The following HIP1R variants were observed in gnomAD, a reference collection of about 807,000 sequenced individuals.
The protein encoded by HIP1R is huntingtin interacting protein 1 related, also known as huntingtin-interacting protein 1-related protein.
In HIP1R, 135 loss-of-function variants were observed where a neutral mutation model predicts 144.2. That is an observed-to-expected ratio of 0.94 (90% confidence interval 0.81 to 1.08). The LOEUF (loss-of-function observed/expected upper bound fraction) is 1.08. Among genes scored for constraint, HIP1R ranks in the 50% least tolerant of loss-of-function variants. HIP1R has a pLI of 0.00. For synonymous variants in HIP1R, 698 were observed against 612.8 expected, an observed-to-expected ratio of 1.14 and a Z score of -2.05; for missense variants, 1,462 against 1,432.8, an observed-to-expected ratio of 1.02 and a Z score of -0.33.
At chr12:122,860,861 C>T in intron 28 of HIP1R, 55 bp from the exon 29 acceptor site, 4 of 1,597,128 alleles carry the variant, frequency 2.5e-6, no homozygotes, top group Non-Finnish European at 3.4e-6. Context: ...AAGCCCAGGC[C>T]TGCTGCTGCC....
At chr12:122,835,102 C>A, upstream of HIP1R, 1 of 953,176 alleles carries the variant, frequency 1.0e-6, no homozygotes, top group Non-Finnish European at 1.4e-6. Context: ...CTTCCCCTAC[C>A]CTCCCCTCCG....
At chr12:122,850,227 T>G in intron 5 of HIP1R, 4 of 605,240 alleles carry the variant, frequency 6.6e-6, no homozygotes, top group South Asian at 6.1e-5. Flanking sequence ...GTCTCTGCTG[T>G]GCTGGCCGGG....
intron 1 of HIP1R, among the ~76,000 whole-genome samples, chr12:122,842,342 A>T (rs2033080430): frequency 1.3e-5 from 2 of 152,226 alleles, no homozygotes; most frequent in South Asian, 4.1e-4. Context: ...AAATTGTTTT[A>T]TAATTACTTT....
intron 31 of HIP1R, 41 bp from the exon 32 acceptor site, chr12:122,861,665 C>T (rs1195618695): frequency 6.2e-7 from 1 of 1,611,380 alleles, no homozygotes; most frequent in Non-Finnish European, 8.5e-7. Flanking sequence ...GCCCCAGGTG[C>T]CTGGCTGTGA....
intron 1 of HIP1R, among the ~76,000 whole-genome samples, chr12:122,843,512 C>T (rs1368516825): frequency 2.6e-5 from 4 of 152,216 alleles, no homozygotes; most frequent in African/African-American, 9.7e-5. Context: ...TGTTCTTACA[C>T]ACTTGGCGAT....
intron 3 of HIP1R, 87 bp from the exon 4 acceptor site, chr12:122,848,706 TTCC>T (rs2033286287): frequency 1.3e-6 from 2 of 1,597,032 alleles, no homozygotes; most frequent in Non-Finnish European, 1.7e-6. Context: ...CTCCGGGCTG[TTCC>T]TCCCGCCTCG....
In HIP1R at chr12:122,861,164, A is replaced by G; in HGVS notation, c.2924A>G (p.Lys975Arg). Reference protein sequence around the residue: ...TMDFSGLSLIKLKKQEMETQV... With the variant: ...TMDFSGLSLIRLKKQEMETQV... ...GATTTCTCCGGCCTGTCCCTCATCAAGCTGAAGAAGCAGGAGATGGAGACC... is the reference window on the plus strand; with the variant it reads ...GATTTCTCCGGCCTGTCCCTCATCAGGCTGAAGAAGCAGGAGATGGAGACC... Residue 975 changes from lysine to arginine, a missense_variant, in exon 30 of 32, where the codon AAG becomes AGG. Around this residue, in one of 2 missense-constraint regions of HIP1R, gnomAD observed 1,112 missense variants for 1,011.7 expected, o/e 1.10. Coordinates refer to ENST00000253083, the MANE Select transcript of HIP1R (RefSeq NM_003959.3). 5 of 1,612,070 alleles carry G rather than the reference A, an allele frequency of 3.1e-6. No homozygotes were observed. Among genetic ancestry groups the G allele is most frequent in the Non-Finnish European group, 4.2e-6 (5 of 1,179,734 alleles).
intron 18 of HIP1R, chr12:122,857,798 C>T (rs759578016): frequency 6.2e-5 from 21 of 338,740 alleles, no homozygotes; most frequent in African/African-American, 1.3e-4. Context: ...TGGTTTCTCA[C>T]GGTCTTGATT....
chr12:122,838,027 G>A (rs971913391), intron 1 of HIP1R, among the ~76,000 whole-genome samples: 1 of 132,916 alleles, frequency 7.5e-6, no homozygotes, highest in African/African-American at 3.0e-5. Flanking sequence ...TGCTGTGGCA[G>A]GAGCACTAGG....
At chr12:122,860,315 G>A (rs540379672) in intron 26 of HIP1R, 105 bp downstream of exon 26, 1 of 1,550,542 alleles carries the variant, frequency 6.4e-7, no homozygotes, top group African/African-American at 1.4e-5. Flanking sequence ...GGAGGCCTCA[G>A]GGATGCGCCC....
In HIP1R at chr12:122,835,597, CG is replaced by C; in HGVS notation, c.50del (p.Gly17AlafsTer30). On this transcript the variant is annotated frameshift_variant, in exon 1 of 32. Coordinates refer to ENST00000253083, the MANE Select transcript of HIP1R (RefSeq NM_003959.3). LOFTEE classifies it high-confidence loss of function. The stretch of plus-strand genomic sequence containing the variant: ...CCGGCGCGGGTGCTGAGCCGCAGGC[CG>C]GGCCACAGCCTGGAGGCCGAGCGCG... ...NVPARVLSRRPGHSLEAEREQ... is the reference protein window; with the variant it reads ...NVPARVLSRRXGHSLEAEREQ... 7.6e-7 allele frequency: 1 copy of C among 1,323,364 alleles called. No homozygotes were observed. 82.0% of individuals were successfully genotyped at this position (1,323,364 alleles called of 1,614,324 possible). A position where few individuals can be genotyped will look rare whatever the true frequency, so the allele number is the denominator to read the frequency against.
In HIP1R at chr12:122,840,122, CCG is replaced by C. The variant is rs2033017903; in HGVS notation, c.93+4481_93+4482del. 6.6e-6 allele frequency among the ~76,000 whole-genome samples: 1 copy of C among 152,244 alleles called. No individual in the cohort carries two copies. The highest frequency in any genetic ancestry group is 1.5e-5 in the Non-Finnish European group (1 of 68,050). ...TGCCCTCGTGGTGATGCCCGGCAGG[CCG>C]CTGACTTCCCGACCCCTGGGCTGCA... On this transcript the variant is annotated intron_variant, in intron 1 of 31. Transcript: ENST00000253083. The surrounding 1 kb of genome is among the most constrained non-coding windows in gnomAD (Gnocchi z 4.2).
In HIP1R at chr12:122,850,796, C is replaced by T. The variant is rs1402660355; in HGVS notation, c.439-39C>T. The T allele has an allele frequency of 2.6e-6, 4 of 1,564,140 alleles. No homozygotes were observed. The East Asian group carries it at 9.4e-5, about 37-fold the overall frequency. On this transcript the variant is annotated intron_variant, in intron 5 of 31. Coordinates refer to ENST00000253083, the MANE Select transcript of HIP1R (RefSeq NM_003959.3). ...CGGTGGCCGCCAGGTGTGGGGGGGC[C>T]CTGGTTCAGTGGCCGCTGGGTGGGG...
intron 5 of HIP1R, 81 bp from the exon 6 acceptor site, chr12:122,850,754 G>A (rs377187647): frequency 6.7e-6 from 6 of 897,156 alleles, no homozygotes; most frequent in African/African-American, 2.0e-5. Context: ...GCCGCTGGGT[G>A]GGGGGGAGCC....
At chr12:122,859,034 T>C (rs2033682890) in intron 21 of HIP1R, 27 bp from the exon 22 acceptor site, 1 of 1,601,828 alleles carries the variant, frequency 6.2e-7, no homozygotes, top group Non-Finnish European at 8.5e-7. Context: ...TGGGGGGGGC[T>C]CCACTCACGG....
chr12:122,861,213 C>T (rs763063321), intron 30 of HIP1R, 21 bp downstream of exon 30: 44 of 1,612,710 alleles, frequency 2.7e-5, no homozygotes, highest in Non-Finnish European at 3.5e-5. Flanking sequence ...ATGGCTGCCC[C>T]GTGACCTCTG....
chr12:122,858,671 G>C (rs2033671043), intron 20 of HIP1R, among the ~76,000 whole-genome samples, 167 bp from the exon 21 acceptor site: 1 of 152,212 alleles, frequency 6.6e-6, no homozygotes, highest in Non-Finnish European at 1.5e-5. Context: ...GAAGGGCCCG[G>C]GGCCACACAC....
rs2033725261 is a variant in HIP1R at position 122,860,167 on chromosome 12, C to T, written c.2516C>T (p.Thr839Met). 10 of 1,573,588 alleles carry T rather than the reference C, an allele frequency of 6.4e-6. No individual in the cohort carries two copies. The highest frequency in any genetic ancestry group is 4.6e-5 in the South Asian group (4 of 86,864). ...DLMKAIRLLV[T>M]TSTSLQKEIV... ...CGGCAGGCTATCCGGCTCCTGGTGA[C>T]GACATCCACTAGCCTGCAGAAGGAG... Residue 839 changes from threonine (T) to methionine (M), a missense_variant, in exon 26 of 32, where the codon ACG (threonine) becomes ATG (methionine). Transcript: ENST00000253083.
At chr12:122,850,027 T>A (rs773451715) in intron 5 of HIP1R, 72 bp downstream of exon 5, 1 of 1,014,096 alleles carries the variant, frequency 9.9e-7, no homozygotes, top group Admixed American at 1.7e-5. Flanking sequence ...ATGGCACATG[T>A]TGGGACATCG....
Sources: allele counts gnomAD v4.1 joint callset (sites outside exome capture counted in the v4.1 genomes callset), GRCh38; gene constraint gnomAD v4.1.1; regional missense constraint gnomAD v4.1.1; non-coding constraint Gnocchi (gnomAD v3.1); transcripts MANE v1.5; gene names NCBI Gene and HGNC (gene_info 2026-07-23, HGNC 2026-07-21).